VWA3A: variants seen among roughly 807,000 people sequenced by gnomAD.
VWA3A encodes the protein von Willebrand factor A domain containing 3A.
Under a neutral mutation model 160.4 loss-of-function variants are expected in VWA3A, and 134 were observed. That is an observed-to-expected ratio of 0.84 (90% CI 0.73 to 0.96). The LOEUF (loss-of-function observed/expected upper bound fraction) is 0.96, where lower values mean the gene tolerates loss of function less well. Ranked by LOEUF, VWA3A falls within the 40% of genes least tolerant of loss-of-function variation. The probability of loss-of-function intolerance (pLI) is 0.00; values close to 1 mark genes in which losing one functional copy is unlikely to be tolerated. For synonymous variants in VWA3A, 476 were observed against 543.4 expected (o/e 0.88, Z 1.72); for missense variants, 1,310 against 1,447.9 (o/e 0.90, Z 1.55).
At chr16:22,125,631 G>A (rs2045833995) in intron 16 of VWA3A, among the ~76,000 whole-genome samples, 7 of 151,892 alleles carry the variant, frequency 4.6e-5, no homozygotes, top group Admixed American at 4.6e-4. Flanking sequence ...CACCATGTTA[G>A]CCAGGATGGT....
chr16:22,099,542 G>A (rs926477724), intron 3 of VWA3A, among the ~76,000 whole-genome samples: 3 of 152,192 alleles, frequency 2.0e-5, no homozygotes, highest in Admixed American at 6.5e-5. Context: ...ATGAGTTAAC[G>A]TACGGAAAGT....
chr16:22,155,199 G>C (rs2046420410), intron 31 of VWA3A, among the ~76,000 whole-genome samples: 1 of 151,996 alleles, frequency 6.6e-6, no homozygotes, highest in South Asian at 2.1e-4. Context: ...TACTTCACTA[G>C]AAGAAATGCA....
rs139261007 is a variant in VWA3A at position 22,107,087 on chromosome 16, T to G, written c.484-2395T>G. Among the ~76,000 whole-genome samples, 48 of 152,272 alleles carry G rather than the reference T, an allele frequency of 3.2e-4. No homozygotes were observed. The East Asian group carries it at 8.7e-3, about 28-fold the overall frequency. ...GATGTTGGGTGCACAGGTCTGAAGT[T>G]CCAAGAGAAATCTGTTTGAAGATGG... On this transcript the variant is annotated intron_variant, in intron 6 of 33. Coordinates refer to ENST00000389398, the MANE Select transcript of VWA3A (RefSeq NM_173615.5).
At chr16:22,113,389 T>TTTTTTTTG in intron 8 of VWA3A, among the ~76,000 whole-genome samples, 1 of 124,222 alleles carries the variant, frequency 8.1e-6, no homozygotes, top group Non-Finnish European at 1.6e-5. Flanking sequence ...TTTTTTTTTT[T>TTTTTTTTG]TTTTTTTGTA....
intron 21 of VWA3A, 84 bp downstream of exon 21, chr16:22,134,522 C>A: frequency 8.3e-7 from 1 of 1,199,398 alleles, no homozygotes; most frequent in Non-Finnish European, 1.2e-6. Flanking sequence ...AACTGGGTGG[C>A]TTAAAATAAC....
At position 22,146,278 on chromosome 16, in the gene VWA3A, G is replaced by A. The variant is rs1376590181; in HGVS notation, c.2773G>A (p.Val925Met). The change falls in exon 27 of 34, where the codon GTG becomes ATG. Residue 925 changes from valine to methionine, a missense_variant. Transcript: ENST00000389398. ...HIQWTPREME[V>M]YIRHLEKVLR... ...CCAGTGGACGCCCAGGGAGATGGAGGTGTACATCAGGCACTTGGAGAAGGT... is the reference window on the plus strand; with the variant it reads ...CCAGTGGACGCCCAGGGAGATGGAGATGTACATCAGGCACTTGGAGAAGGT... The A allele has an allele frequency of 6.2e-7, 1 of 1,613,716 alleles. No homozygotes were observed. The highest frequency in any genetic ancestry group is 8.5e-7 in the Non-Finnish European group (1 of 1,179,744).
intron 16 of VWA3A, among the ~76,000 whole-genome samples, chr16:22,125,176 A>G (rs1266410009): frequency 6.6e-6 from 1 of 151,132 alleles, no homozygotes; most frequent in Admixed American, 6.6e-5. Flanking sequence ...CCAGGAGTTC[A>G]AAACCAGCCT....
chr16:22,126,073 G>T (rs1312619602), intron 16 of VWA3A, 105 bp from the exon 17 acceptor site: 2 of 1,501,302 alleles, frequency 1.3e-6, no homozygotes, highest in Admixed American at 4.1e-5. Flanking sequence ...TATGAATTTG[G>T]CATGCAAAAT....
chr16:22,151,565 A>T (rs2046348437), intron 30 of VWA3A, among the ~76,000 whole-genome samples: 1 of 152,126 alleles, frequency 6.6e-6, no homozygotes, highest in Non-Finnish European at 1.5e-5. Flanking sequence ...TTTTTTATAA[A>T]CGATCACTAT....
At chr16:22,140,118 A>G in intron 22 of VWA3A, 36 bp from the exon 23 acceptor site, 2 of 1,598,350 alleles carry the variant, frequency 1.3e-6, no homozygotes, top group South Asian at 1.1e-5. Flanking sequence ...GACACAGGGA[A>G]CACTCCTCTG....
At chr16:22,127,766 C>A (rs2045876545) in intron 17 of VWA3A, among the ~76,000 whole-genome samples, 1 of 152,184 alleles carries the variant, frequency 6.6e-6, no homozygotes, top group African/African-American at 2.4e-5. Context: ...TGAAGACACA[C>A]AAAACTCATC....
At chr16:22,111,322 C>G (rs2045549296) in intron 8 of VWA3A, among the ~76,000 whole-genome samples, 2 of 152,064 alleles carry the variant, frequency 1.3e-5, no homozygotes, top group South Asian at 4.1e-4. Context: ...AAATGAGTCT[C>G]CCTCTTTTTT....
chr16:22,121,128 C>A, intron 13 of VWA3A, 25 bp downstream of exon 13: 1 of 1,613,654 alleles, frequency 6.2e-7, no homozygotes. Context: ...AGGGCAGAAC[C>A]CAGGAAACAG....
At chr16:22,116,089 A>G (rs1026286918) in intron 9 of VWA3A, among the ~76,000 whole-genome samples, 7 of 151,470 alleles carry the variant, frequency 4.6e-5, no homozygotes, top group Admixed American at 3.9e-4. Flanking sequence ...AGGCAGAAAG[A>G]AAGAGAGAAA....
intron 6 of VWA3A, among the ~76,000 whole-genome samples, chr16:22,104,649 C>A (rs1323075314): frequency 3.3e-5 from 5 of 152,056 alleles, no homozygotes; most frequent in Admixed American, 3.3e-4. Context: ...CACTGCACTC[C>A]AGCCTGGGCA....
At chr16:22,140,482 G>A (rs1289606439) in intron 23 of VWA3A, among the ~76,000 whole-genome samples, 3 of 152,080 alleles carry the variant, frequency 2.0e-5, no homozygotes, top group Non-Finnish European at 4.4e-5. Context: ...GTGCATGCCT[G>A]AAGTCCCCCA....
intron 8 of VWA3A, 40 bp downstream of exon 8, chr16:22,111,034 C>A: frequency 6.6e-7 from 1 of 1,518,124 alleles, no homozygotes; most frequent in South Asian, 1.2e-5. Context: ...TTCACTTGTT[C>A]ATTTTCCTCC....
rs558571248 is a variant in VWA3A, at chr16:22,114,029, A to G, written c.690-1318A>G. Among the ~76,000 whole-genome samples, 30 of 148,900 alleles carry G rather than the reference A, an allele frequency of 2.0e-4. 1 individual carries two copies. In the East Asian group the frequency reaches 5.8e-3, roughly 29 times the overall value. ...ATATCTTTCTTTAATGGCTTTGAGAAAAAAAAAAAAGAAAGCAGCCATATA... is the reference window on the plus strand; with the variant it reads ...ATATCTTTCTTTAATGGCTTTGAGAGAAAAAAAAAAGAAAGCAGCCATATA... On this transcript the variant is annotated intron_variant, in intron 8 of 33. Transcript: ENST00000389398.
At chr16:22,136,474 A>C (rs1305177483) in intron 21 of VWA3A, among the ~76,000 whole-genome samples, 1 of 152,044 alleles carries the variant, frequency 6.6e-6, no homozygotes, top group Non-Finnish European at 1.5e-5. Flanking sequence ...ATGGAGATTT[A>C]GGGCAGTTCA....
Sources: gnomAD v4.1 joint callset for allele counts (sites outside exome capture counted in the v4.1 genomes callset) on GRCh38, gnomAD v4.1.1 for gene constraint, MANE v1.5 for transcripts, NCBI Gene and HGNC (gene_info 2026-07-23, HGNC 2026-07-21) for gene names.